FHOD3: variants seen among roughly 807,000 people sequenced by gnomAD.
The protein encoded by FHOD3 is FH1/FH2 domain-containing protein 3.
Under a neutral mutation model 173.0 loss-of-function variants are expected in FHOD3, and 90 were observed. The observed-to-expected ratio is 0.52, with a 90% CI of 0.44 to 0.62. The LOEUF is 0.62. Ranked by LOEUF, FHOD3 falls within the 20% of genes least tolerant of loss-of-function variation. The pLI is 0.00. For synonymous variants in FHOD3, 828 were observed against 823.0 expected, an observed-to-expected ratio of 1.01 and a Z score of -0.10; for missense variants, 1,945 against 2,034.7, an observed-to-expected ratio of 0.96 and a Z score of 0.85.
At chr18:36,672,006 G>A (rs1481869118) in intron 14 of FHOD3, among the ~76,000 whole-genome samples, 1 of 152,182 alleles carries the variant, frequency 6.6e-6, no homozygotes, top group African/African-American at 2.4e-5. Context: ...TGGGTAGAGA[G>A]GAAGTGAGAT....
At chr18:36,350,989 G>A (rs527780933) in intron 1 of FHOD3, among the ~76,000 whole-genome samples, 1 of 152,202 alleles carries the variant, frequency 6.6e-6, no homozygotes, top group East Asian at 1.9e-4. Flanking sequence ...GAAGCACTGT[G>A]TTCTTCCTCC....
chr18:36,619,576 A>G (rs2033530316), intron 9 of FHOD3, among the ~76,000 whole-genome samples: 1 of 152,164 alleles, frequency 6.6e-6, no homozygotes, highest in African/African-American at 2.4e-5. Flanking sequence ...TTCTTGCCTG[A>G]AGTATTGCAC....
intron 24 of FHOD3, among the ~76,000 whole-genome samples, chr18:36,748,537 A>T (rs1195406841): frequency 3.3e-5 from 5 of 152,134 alleles, no homozygotes; most frequent in Non-Finnish European, 5.9e-5. Flanking sequence ...TTAAAAACTC[A>T]GTTTGGTGGT....
intron 4 of FHOD3, 26 bp downstream of exon 4, chr18:36,502,025 A>C (rs2055056590): frequency 2.0e-6 from 3 of 1,488,432 alleles, no homozygotes; most frequent in Non-Finnish European, 2.8e-6. Flanking sequence ...ATAAGTACTT[A>C]CCTGTTTTTA....
intron 3 of FHOD3, among the ~76,000 whole-genome samples, chr18:36,432,298 C>T (rs558692425): frequency 2.0e-5 from 3 of 151,834 alleles, no homozygotes; most frequent in Admixed American, 6.5e-5. Flanking sequence ...TTTTCTTTTG[C>T]TCTTTATTTA....
intron 3 of FHOD3, among the ~76,000 whole-genome samples, chr18:36,493,962 G>A (rs1452142830): frequency 1.3e-5 from 2 of 152,140 alleles, no homozygotes; most frequent in African/African-American, 4.8e-5. Flanking sequence ...ACAGTTCAGC[G>A]ATTTTTATAG....
chr18:36,722,313 C>T (rs4799429), intron 19 of FHOD3, among the ~76,000 whole-genome samples: 75,239 of 151,914 alleles, frequency 0.5, 18,811 homozygotes, highest in African/African-American at 0.54. Flanking sequence ...AAAGTGACTT[C>T]CCAACCCTTG....
At chr18:36,627,848 A>C (rs1303865988) in intron 10 of FHOD3, among the ~76,000 whole-genome samples, 1 of 152,160 alleles carries the variant, frequency 6.6e-6, no homozygotes, top group Admixed American at 6.5e-5. Context: ...CTCAAACAGT[A>C]CCTCAGAGTC....
intron 3 of FHOD3, among the ~76,000 whole-genome samples, chr18:36,375,081 T>C (rs3744897): frequency 0.21 from 32,670 of 152,160 alleles, 4,077 homozygotes; most frequent in East Asian, 0.66. Context: ...TGGTTATGTA[T>C]AGAAAATGGA....
chr18:36,599,692 T>C (rs1258559013), intron 7 of FHOD3, among the ~76,000 whole-genome samples: 1 of 152,198 alleles, frequency 6.6e-6, no homozygotes, highest in Admixed American at 6.5e-5. Context: ...TATTGAGCAA[T>C]TGATTCTGTG....
chr18:36,444,703 T>A (rs2051365059), intron 3 of FHOD3, among the ~76,000 whole-genome samples: 1 of 152,224 alleles, frequency 6.6e-6, no homozygotes, highest in African/African-American at 2.4e-5. Context: ...CTATAGATTT[T>A]TTTTTCATTT....
At chr18:36,320,671 G>A (rs577950102) in intron 1 of FHOD3, among the ~76,000 whole-genome samples, 1 of 152,110 alleles carries the variant, frequency 6.6e-6, no homozygotes, top group Non-Finnish European at 1.5e-5. Context: ...CCTGGCAGGG[G>A]CTTCACTTTT....
At chr18:36,441,687 C>T (rs1378459616) in intron 3 of FHOD3, among the ~76,000 whole-genome samples, 1 of 152,210 alleles carries the variant, frequency 6.6e-6, no homozygotes, top group Non-Finnish European at 1.5e-5. Flanking sequence ...TTCGCACAAA[C>T]AGCTGTGCTG....
chr18:36,634,131 A>T (rs991133405), intron 10 of FHOD3, among the ~76,000 whole-genome samples: 7 of 152,312 alleles, frequency 4.6e-5, no homozygotes, highest in East Asian at 3.9e-4. Context: ...TAACTGATGC[A>T]TACCAATTAG....
At chr18:36,570,077 G>C (rs369325788) in intron 5 of FHOD3, among the ~76,000 whole-genome samples, 5 of 151,464 alleles carry the variant, frequency 3.3e-5, no homozygotes, top group Admixed American at 3.3e-4. Flanking sequence ...AGTTGAAAGC[G>C]GAGAAAAAAA....
intron 27 of FHOD3, among the ~76,000 whole-genome samples, chr18:36,761,827 C>G (rs1221831832): frequency 6.6e-6 from 1 of 152,182 alleles, no homozygotes; most frequent in East Asian, 1.9e-4. Flanking sequence ...CTAGAAGAAA[C>G]CATATAATCT....
At chr18:36,416,296 G>T (rs1245208158) in intron 3 of FHOD3, among the ~76,000 whole-genome samples, 2 of 152,244 alleles carry the variant, frequency 1.3e-5, no homozygotes, top group Non-Finnish European at 2.9e-5. Flanking sequence ...GCCTTCCAAA[G>T]TGCTGGGATT....
chr18:36,419,864 C>G (rs9947815), intron 3 of FHOD3, among the ~76,000 whole-genome samples: 6,027 of 152,274 alleles, frequency 0.04, 391 homozygotes, highest in African/African-American at 0.14. Context: ...ATCCTTGAGT[C>G]AGGGAGCTAG....
chr18:36,685,790 C>T (rs1191944895), intron 15 of FHOD3, among the ~76,000 whole-genome samples: 1 of 152,080 alleles, frequency 6.6e-6, no homozygotes, highest in Non-Finnish European at 1.5e-5. Context: ...GTAAACAGTC[C>T]AGTGAGAGAT....
Sources: allele counts gnomAD v4.1 joint callset (sites outside exome capture counted in the v4.1 genomes callset), GRCh38; gene constraint gnomAD v4.1.1; transcripts MANE v1.5; gene names NCBI Gene and HGNC (gene_info 2026-07-23, HGNC 2026-07-21).